Variants in ZNF546 observed in about 807,000 individuals in gnomAD.
ZNF546 encodes zinc finger protein 546.
A neutral mutation model predicts 76.2 loss-of-function variants in ZNF546; 60 were observed. That is an observed-to-expected ratio of 0.79 (90% CI 0.64 to 0.98). ZNF546 has a LOEUF of 0.98. Ranked by LOEUF, ZNF546 falls within the 50% of genes least tolerant of loss-of-function variation. The pLI is 0.00. For synonymous variants in ZNF546, 277 were observed against 328.1 expected (o/e 0.84, Z 1.68); for missense variants, 936 against 1,035.6 (o/e 0.90, Z 1.32).
intron 4 of ZNF546, among the ~76,000 whole-genome samples, chr19:40,006,679 T>C (rs1325007744): frequency 6.6e-6 from 1 of 152,154 alleles, no homozygotes; most frequent in East Asian, 1.9e-4. Flanking sequence ...CTCCAATCCC[T>C]AATGATGGCT....
At chr19:40,003,869 G>C (rs899144435) in intron 3 of ZNF546, among the ~76,000 whole-genome samples, 1 of 151,528 alleles carries the variant, frequency 6.6e-6, no homozygotes, top group African/African-American at 2.4e-5. Context: ...AAAATTAGCC[G>C]GGCGCAGTGG....
At position 40,019,760 on chromosome 19, in the gene ZNF546, A is replaced by G. The variant is rs1971830468; in HGVS notation, c.*3979A>G. On this transcript the variant is annotated 3_prime_UTR_variant, in exon 7 of 7. Transcript: ENST00000347077. ...CATTCATTCAAAAACCTAGTAAAGCAATTAAGCAAAATAATTTGTTTACTT... is the reference window on the plus strand; with the variant it reads ...CATTCATTCAAAAACCTAGTAAAGCGATTAAGCAAAATAATTTGTTTACTT... 6.6e-6 allele frequency: 1 copy of G among 152,240 alleles called. No individual in the cohort carries two copies. Among genetic ancestry groups the G allele is most frequent in the Non-Finnish European group, 1.5e-5 (1 of 68,030 alleles). The allele number at this position is 152,240 out of a possible 1,614,324, so 9.4% of individuals were successfully genotyped here.
In ZNF546 at chr19:40,014,361, A is replaced by C. The variant is rs1568388566; in HGVS notation, c.1091A>C (p.Lys364Thr). ...ERPYECKVCG[K>T]TFRVQRHISQ... ...CCTTATGAATGTAAGGTTTGTGGCA[A>C]GACCTTTAGGGTACAACGACATATT... The change falls in exon 7 of 7, where the codon AAG becomes ACG. Residue 364 changes from lysine to threonine, a missense_variant. By Grantham distance (78) the Lys-to-Thr change is moderately conservative. Coordinates refer to ENST00000347077, the MANE Select transcript of ZNF546 (RefSeq NM_178544.5). The C allele has an allele frequency of 6.2e-7, 1 of 1,614,112 alleles. No homozygotes were observed. Among genetic ancestry groups the C allele is most frequent in the African/African-American group, 1.3e-5 (1 of 75,026 alleles).
chr19:40,013,050 T>C (rs1459315171), intron 6 of ZNF546, among the ~76,000 whole-genome samples: 1 of 152,024 alleles, frequency 6.6e-6, no homozygotes, highest in African/African-American at 2.4e-5. Context: ...CCTGACTTCA[T>C]GATCCACCTG....
chr19:40,008,225 C>A (rs530932633), intron 5 of ZNF546, among the ~76,000 whole-genome samples: 2 of 149,232 alleles, frequency 1.3e-5, no homozygotes, highest in African/African-American at 5.2e-5. Context: ...CCTTTCTATA[C>A]TGCCGTTAAC....
chr19:40,003,717 T>C (rs1002014985), intron 3 of ZNF546, among the ~76,000 whole-genome samples: 12 of 151,956 alleles, frequency 7.9e-5, no homozygotes, highest in Non-Finnish European at 1.3e-4. Context: ...TCAGTAAAAA[T>C]ATAACAGCTG....
chr19:40,000,826 G>A (rs1971520367), intron 3 of ZNF546, among the ~76,000 whole-genome samples: 1 of 151,978 alleles, frequency 6.6e-6, no homozygotes, highest in South Asian at 2.1e-4. Context: ...GACAGGGAGA[G>A]GGAGATGGTT....
intron 3 of ZNF546, among the ~76,000 whole-genome samples, chr19:40,001,342 G>T (rs1971526624): frequency 6.6e-6 from 1 of 151,390 alleles, no homozygotes; most frequent in South Asian, 2.1e-4. Flanking sequence ...CCCTTTGGTA[G>T]TTGCAAGAAC....
At chr19:40,003,160 C>T (rs545565200) in intron 3 of ZNF546, among the ~76,000 whole-genome samples, 1 of 151,738 alleles carries the variant, frequency 6.6e-6, no homozygotes, top group Admixed American at 6.6e-5. Flanking sequence ...CTCAGCCTCC[C>T]GAGTAGCTGG....
Position 40,013,823 on chromosome 19 carries a change from CAA to C in ZNF546, c.554_555del (p.Gln185ArgfsTer9), listed in dbSNP as rs770788085. 9 of 1,613,482 alleles carry C rather than the reference CAA, an allele frequency of 5.6e-6. No individual in the cohort carries two copies. The highest frequency in any genetic ancestry group is 4.5e-5 in the East Asian group (2 of 44,878). On this transcript the variant is annotated frameshift_variant, in exon 7 of 7. Coordinates refer to ENST00000347077, the MANE Select transcript of ZNF546 (RefSeq NM_178544.5). LOFTEE classifies it high-confidence loss of function. ...GLQCKHEFERQERHQMGCVSQ... is the reference protein window; with the variant it reads ...GLQCKHEFERXERHQMGCVSQ... ...GCAGTGTAAACATGAATTTGAGAGA[CAA>C]GAGAGACATCAGATGGGATGCGTTA... is the stretch of plus-strand genomic sequence containing the variant.
At position 40,015,426 on chromosome 19, in the gene ZNF546, T is replaced by C. The variant is rs370751883; in HGVS notation, c.2156T>C (p.Leu719Pro). Residue 719 changes from leucine (L) to proline (P), a missense_variant, in exon 7 of 7, where the codon CTT (leucine) becomes CCT (proline). Physicochemically the swap from Leu to Pro is moderately conservative, Grantham distance 98. Transcript: ENST00000347077. ...TLHQRIHTGE[L>P]PYECKECGKT... ...CATCAAAGAATTCACACTGGTGAGC[T>C]TCCATATGAATGTAAGGAATGTGGA... 7 of 1,613,998 alleles carry C rather than the reference T, an allele frequency of 4.3e-6. No individual in the cohort carries two copies. Among genetic ancestry groups the C allele is most frequent in the Non-Finnish European group, 5.9e-6 (7 of 1,180,034 alleles).
intron 6 of ZNF546, 32 bp downstream of exon 6, chr19:40,008,597 T>C: frequency 6.4e-7 from 1 of 1,557,366 alleles, no homozygotes; most frequent in Non-Finnish European, 8.9e-7. Context: ...GGGAGGGTGC[T>C]ATCACAAGTT....
At chr19:40,008,296 T>C (rs1448701735) in intron 5 of ZNF546, among the ~76,000 whole-genome samples, 174 bp from the exon 6 acceptor site, 3 of 152,220 alleles carry the variant, frequency 2.0e-5, no homozygotes, top group Admixed American at 6.5e-5. Context: ...TGTGAGTCCA[T>C]GTTAACGTGA....
intron 5 of ZNF546, 65 bp from the exon 6 acceptor site, chr19:40,008,405 A>G (rs1971633107): frequency 1.6e-6 from 2 of 1,273,760 alleles, no homozygotes; most frequent in Middle Eastern, 2.0e-4. Flanking sequence ...CTGAATTGTC[A>G]TTTCAAGGTT....
At chr19:40,005,953 A>T in intron 3 of ZNF546, 143 bp from the exon 4 acceptor site, 1 of 728,678 alleles carries the variant, frequency 1.4e-6, no homozygotes, top group Non-Finnish European at 2.3e-6. Context: ...CAGCCTTGAT[A>T]TTGAGATATC....
intron 6 of ZNF546, among the ~76,000 whole-genome samples, chr19:40,012,771 G>A (rs553910197): frequency 1.3e-4 from 19 of 151,962 alleles, no homozygotes; most frequent in South Asian, 4.1e-4. Context: ...CTAAATAAGC[G>A]GATCACTGAT....
At chr19:40,004,548 C>T (rs1384626514) in intron 3 of ZNF546, among the ~76,000 whole-genome samples, 2 of 152,120 alleles carry the variant, frequency 1.3e-5, no homozygotes, top group East Asian at 1.9e-4. Flanking sequence ...GGATTACAGG[C>T]GTGAGCCACC....
At chr19:40,009,541 C>T (rs930900442) in intron 6 of ZNF546, among the ~76,000 whole-genome samples, 4 of 152,160 alleles carry the variant, frequency 2.6e-5, no homozygotes, top group African/African-American at 7.2e-5. Context: ...AAACTGCACA[C>T]ATTTAAAGTA....
At chr19:40,001,329 C>T (rs1185196297) in intron 3 of ZNF546, among the ~76,000 whole-genome samples, 3 of 151,764 alleles carry the variant, frequency 2.0e-5, no homozygotes, top group Non-Finnish European at 4.4e-5. Flanking sequence ...AGAATGATGT[C>T]CCCCCTTTGG....
Sources: allele counts gnomAD v4.1 joint callset (sites outside exome capture counted in the v4.1 genomes callset), GRCh38; gene constraint gnomAD v4.1.1; transcripts MANE v1.5; gene names NCBI Gene and HGNC (gene_info 2026-07-23, HGNC 2026-07-21).